The following PTPRN2 variants were observed in gnomAD, a reference collection of about 807,000 sequenced individuals.
PTPRN2 encodes receptor-type tyrosine-protein phosphatase N2.
PTPRN2 carries 74 observed loss-of-function variants against 118.8 expected under a neutral mutation model. The ratio of observed to expected loss-of-function variants is 0.62; its 90% CI spans 0.52 to 0.76. The LOEUF (loss-of-function observed/expected upper bound fraction) is 0.76. PTPRN2 is among the 30% of genes least tolerant of loss of function. PTPRN2 has a pLI of 0.00. For synonymous variants in PTPRN2, 641 were observed against 608.0 expected (o/e 1.05, Z -0.80); for missense variants, 1,481 against 1,394.4 (o/e 1.06, Z -0.99).
At chr7:158,387,604 C>G in intron 2 of PTPRN2, among the ~76,000 whole-genome samples, 1 of 858 alleles carries the variant, frequency 1.2e-3, no homozygotes, top group African/African-American at 2.5e-3. Flanking sequence ...CCCGGGGATG[C>G]AGCTGAAGGC....
intron 3 of PTPRN2, among the ~76,000 whole-genome samples, chr7:158,315,834 A>G (rs1043607944): frequency 1.3e-5 from 2 of 152,232 alleles, no homozygotes; most frequent in African/African-American, 2.4e-5. Flanking sequence ...TTCTCCAAAG[A>G]GTGACCTCAG....
intron 2 of PTPRN2, among the ~76,000 whole-genome samples, chr7:158,321,781 A>G (rs201013750): frequency 5.0e-5 from 3 of 59,538 alleles, no homozygotes; most frequent in East Asian, 3.9e-4. Context: ...CAAAACACTC[A>G]TGTGTGCAAA....
chr7:158,060,192 C>G (rs1337796537), intron 11 of PTPRN2, among the ~76,000 whole-genome samples: 12 of 104,006 alleles, frequency 1.2e-4, no homozygotes, highest in Admixed American at 5.4e-4. Context: ...TGCAGCCACA[C>G]TCCATCTGCA....
intron 2 of PTPRN2, among the ~76,000 whole-genome samples, chr7:158,434,618 G>A (rs1312556965): frequency 2.0e-5 from 3 of 151,954 alleles, no homozygotes; most frequent in Non-Finnish European, 4.4e-5. Context: ...TTTTTGAGTG[G>A]AGTATTTATC....
At position 157,808,426 on chromosome 7, in the gene PTPRN2, A is replaced by T. The variant is rs1805771879; in HGVS notation, c.1788+90247T>A. Among the ~76,000 whole-genome samples the T allele has an allele frequency of 6.6e-6, 1 of 152,158 alleles. No individual in the cohort carries two copies. The highest frequency in any genetic ancestry group is 2.4e-5 in the African/African-American group (1 of 41,422). ...TACTGCCTGGGCTCCACCTCCTGTC[A>T]GCTCAGCAGTGGCATCAGATTCTCA... On this transcript the variant is annotated intron_variant, in intron 12 of 22. Transcript: ENST00000389418. The surrounding 1 kb of genome is among the most constrained non-coding windows in gnomAD (Gnocchi z 5.0).
At chr7:158,239,201 G>A (rs1795755068) in intron 3 of PTPRN2, among the ~76,000 whole-genome samples, 1 of 152,220 alleles carries the variant, frequency 6.6e-6, no homozygotes, top group African/African-American at 2.4e-5. Flanking sequence ...CAGCAGGATG[G>A]TGCAGAAACC....
chr7:158,571,003 C>T (rs574731279), intron 1 of PTPRN2, among the ~76,000 whole-genome samples: 2 of 152,186 alleles, frequency 1.3e-5, no homozygotes, highest in South Asian at 4.1e-4. Flanking sequence ...CCATGGCTGA[C>T]GCACTGGCAG....
At chr7:157,981,960 A>G (rs1803192009) in intron 11 of PTPRN2, among the ~76,000 whole-genome samples, 1 of 151,886 alleles carries the variant, frequency 6.6e-6, no homozygotes, top group South Asian at 2.1e-4. Flanking sequence ...TGAGGAGGGG[A>G]ATGCAGAGTG....
intron 11 of PTPRN2, among the ~76,000 whole-genome samples, chr7:158,052,626 G>A (rs899176601): frequency 2.6e-5 from 4 of 151,626 alleles, no homozygotes; most frequent in Admixed American, 6.6e-5. Context: ...AATTTGCCTC[G>A]TGGGGGCCAT....
At chr7:157,821,862 G>A (rs1168226524) in intron 12 of PTPRN2, among the ~76,000 whole-genome samples, 1 of 152,072 alleles carries the variant, frequency 6.6e-6, no homozygotes, top group Non-Finnish European at 1.5e-5. Context: ...CGTGACTAAG[G>A]GGGAGGAGGG....
rs935406303 is a variant in PTPRN2, at chr7:158,544,678, A to G, written c.112+42880T>C. Among the ~76,000 whole-genome samples, 6 of 152,130 alleles carry G rather than the reference A, an allele frequency of 3.9e-5. 1 individual carries two copies. Among genetic ancestry groups the G allele is most frequent in the Admixed American group, 1.3e-4 (2 of 15,270 alleles). On this transcript the variant is annotated intron_variant, in intron 1 of 22. Coordinates refer to ENST00000389418, the MANE Select transcript of PTPRN2 (RefSeq NM_002847.5). The surrounding 1 kb of genome is among the most constrained non-coding windows in gnomAD (Gnocchi z 4.2). ...TTATGAGATTTTTTTGCAATTTTTT[A>G]AAGCTCATAAGCTATCACTGTGTGA...
chr7:157,740,548 T>C (rs972390530), intron 12 of PTPRN2: 2 of 150,816 alleles, frequency 1.3e-5, no homozygotes, highest in African/African-American at 4.9e-5. Context: ...GACTTCATGC[T>C]GCCATGGCCA....
Position 157,620,885 on chromosome 7 carries a change from C to T in PTPRN2, c.2344+477G>A, listed in dbSNP as rs902085686. Among the ~76,000 whole-genome samples the T allele has an allele frequency of 4.7e-3, 695 of 149,286 alleles. 6 individuals are homozygous for T. Among genetic ancestry groups the T allele is most frequent in the African/African-American group, 0.016 (654 of 39,682 alleles). On this transcript the variant is annotated intron_variant, in intron 15 of 22. Transcript: ENST00000389418. ...TCCCCCGCCTGTAACCCAGGCCTCC[C>T]TCCCCGGGGACTGGTACACACAGGT...
At chr7:158,528,561 C>T (rs561953075) in intron 1 of PTPRN2, among the ~76,000 whole-genome samples, 9 of 151,104 alleles carry the variant, frequency 6.0e-5, no homozygotes, top group Non-Finnish European at 8.8e-5. Context: ...CTGAGGGGGA[C>T]GGATCAAGAG....
chr7:158,158,339 G>A (rs1822025081), intron 6 of PTPRN2, among the ~76,000 whole-genome samples: 1 of 152,230 alleles, frequency 6.6e-6, no homozygotes, highest in Non-Finnish European at 1.5e-5. Flanking sequence ...GCCCTTCTCT[G>A]TGAGGGTTTT....
chr7:157,758,333 G>A (rs1188863885), intron 12 of PTPRN2, among the ~76,000 whole-genome samples: 1 of 152,214 alleles, frequency 6.6e-6, no homozygotes, highest in Non-Finnish European at 1.5e-5. Context: ...CCGCTCAGGC[G>A]GCTCCTTCAG....
At chr7:158,266,061 GGC>G (rs1797851127) in intron 3 of PTPRN2, among the ~76,000 whole-genome samples, 1 of 151,430 alleles carries the variant, frequency 6.6e-6, no homozygotes, top group Non-Finnish European at 1.5e-5. Flanking sequence ...GGCTGGGGAC[GGC>G]GTCTGCTGCG....
intron 2 of PTPRN2, among the ~76,000 whole-genome samples, chr7:158,365,400 C>T (rs1489882494): frequency 6.6e-6 from 1 of 152,202 alleles, no homozygotes; most frequent in Non-Finnish European, 1.5e-5. Context: ...CCTCCCTTCC[C>T]CTTCTCTTCC....
chr7:157,657,764 CCACACACAT>C (rs1795646557), intron 13 of PTPRN2, among the ~76,000 whole-genome samples: 1 of 115,864 alleles, frequency 8.6e-6, no homozygotes. Flanking sequence ...ACCACACACA[CCACACACAT>C]CACACATATA....
Sources: gnomAD v4.1 joint callset for allele counts (sites outside exome capture counted in the v4.1 genomes callset) on GRCh38, gnomAD v4.1.1 for gene constraint, Gnocchi (gnomAD v3.1) non-coding constraint, MANE v1.5 for transcripts, NCBI Gene and HGNC (gene_info 2026-07-23, HGNC 2026-07-21) for gene names.